Variants in MAN1A2 observed in about 807,000 individuals in gnomAD.
MAN1A2 encodes the protein mannosidase alpha class 1A member 2.
A neutral mutation model predicts 75.7 loss-of-function variants in MAN1A2; 26 were observed. The observed-to-expected ratio is 0.34, with a 90% CI of 0.25 to 0.48. The LOEUF (loss-of-function observed/expected upper bound fraction) is 0.48. Ranked by LOEUF, MAN1A2 falls within the 20% of genes least tolerant of loss-of-function variation. The pLI is 0.99. For missense variants in MAN1A2, 562 were observed against 775.5 expected (o/e 0.72, Z 3.27); for synonymous variants, 247 against 264.6 (o/e 0.93, Z 0.65).
intron 1 of MAN1A2, among the ~76,000 whole-genome samples, chr1:117,379,156 T>G (rs1274653855): frequency 6.6e-6 from 1 of 152,132 alleles, no homozygotes; most frequent in Non-Finnish European, 1.5e-5. Context: ...TTGTTGATTT[T>G]TGTGTATGAT....
chr1:117,450,713 C>T (rs181890918), intron 6 of MAN1A2, among the ~76,000 whole-genome samples: 74 of 152,318 alleles, frequency 4.9e-4, no homozygotes, highest in Admixed American at 4.8e-3. Flanking sequence ...AGGGGCCAAC[C>T]TAAAGCTCAG....
intron 12 of MAN1A2, chr1:117,515,784 A>G (rs1415966036): frequency 1.3e-5 from 2 of 152,156 alleles, no homozygotes; most frequent in African/African-American, 4.8e-5. Context: ...ATTTATGGAA[A>G]CAAAGTAGAA....
rs1228804402 is a variant in MAN1A2 at position 117,495,515 on chromosome 1, C to CCCT, written c.1285-1247_1285-1245dup. On this transcript the variant is annotated intron_variant, in intron 9 of 12. Transcript: ENST00000356554. ...ATTATTCCATACCCCTCCTACCTTC[C>CCCT]CCTATCCTTACAGATACCCATATTC... is the stretch of plus-strand genomic sequence containing the variant. 2.0e-5 allele frequency among the ~76,000 whole-genome samples: 3 copies of CCCT among 151,900 alleles called. No individual in the cohort carries two copies. The East Asian group carries it at 5.8e-4, about 30-fold the overall frequency.
chr1:117,372,904 T>A (rs1219878779), intron 1 of MAN1A2, among the ~76,000 whole-genome samples: 1 of 152,122 alleles, frequency 6.6e-6, no homozygotes, highest in Non-Finnish European at 1.5e-5. Context: ...CTGAATTGAA[T>A]ACTTGAGGGT....
At chr1:117,471,079 A>T (rs543175894) in intron 8 of MAN1A2, among the ~76,000 whole-genome samples, 3 of 151,568 alleles carry the variant, frequency 2.0e-5, no homozygotes, top group Non-Finnish European at 4.4e-5. Flanking sequence ...TACTTAGCCT[A>T]TGTCATTTAA....
chr1:117,503,973 C>T lies in MAN1A2; in HGVS notation c.1793+1003C>T, dbSNP rs191777010. Among the ~76,000 whole-genome samples the T allele has an allele frequency of 1.6e-4, 24 of 151,548 alleles. No individual in the cohort carries two copies. The East Asian group carries it at 4.3e-3, about 27-fold the overall frequency. On this transcript the variant is annotated intron_variant, in intron 12 of 12. Coordinates refer to ENST00000356554, the MANE Select transcript of MAN1A2 (RefSeq NM_006699.5). Reference sequence around the variant, plus strand: ...TCCTCCTTTTAATATATCACCAATTCTTTATGCTTCTTTCTGTTACATTTT... The same window carrying T: ...TCCTCCTTTTAATATATCACCAATTTTTTATGCTTCTTTCTGTTACATTTT...
chr1:117,466,619 G>A (rs1444146314), intron 8 of MAN1A2, among the ~76,000 whole-genome samples, 192 bp downstream of exon 8: 1 of 152,128 alleles, frequency 6.6e-6, no homozygotes, highest in Admixed American at 6.6e-5. Flanking sequence ...AAATGGAAAT[G>A]TTAATAACAT....
Position 117,414,801 on chromosome 1 carries a change from A to G in MAN1A2, c.744A>G (p.Arg248=). ...GLHDEFLDGQ[R]WIEDNLDFSV... is the part of the protein sequence containing the mutation. Reference sequence around the variant, plus strand: ...ATGATGAATTCCTAGATGGGCAAAGATGGATTGAAGACAACCTTGATTTCA... The same window carrying G: ...ATGATGAATTCCTAGATGGGCAAAGGTGGATTGAAGACAACCTTGATTTCA... The change falls in exon 4 of 13, where the codon AGA becomes AGG. Residue 248 remains arginine (R), a synonymous_variant. Transcript: ENST00000356554. The G allele has an allele frequency of 6.2e-7, 1 of 1,607,882 alleles. No individual in the cohort carries two copies. Among genetic ancestry groups the G allele is most frequent in the Non-Finnish European group, 8.5e-7 (1 of 1,174,986 alleles).
chr1:117,478,870 T>C (rs1021282419), intron 8 of MAN1A2, among the ~76,000 whole-genome samples: 5 of 151,968 alleles, frequency 3.3e-5, no homozygotes, highest in Non-Finnish European at 7.4e-5. Context: ...TCTTTCTCAA[T>C]AGTTGTTTTT....
Position 117,527,311 on chromosome 1 carries a change from A to G in MAN1A2, c.*4354A>G, listed in dbSNP as rs1371746975. Reference sequence around the variant, plus strand: ...ATGGGCGTAGCTATGTTCCAGGAAAACTTTATTTACAAAAGCAGATGGAGG... The same window carrying G: ...ATGGGCGTAGCTATGTTCCAGGAAAGCTTTATTTACAAAAGCAGATGGAGG... On this transcript the variant is annotated 3_prime_UTR_variant, in exon 13 of 13. Transcript: ENST00000356554. 6.6e-6 allele frequency: 1 copy of G among 151,864 alleles called. No individual in the cohort carries two copies. The highest frequency in any genetic ancestry group is 1.5e-5 in the Non-Finnish European group (1 of 67,864). 9.4% of individuals were successfully genotyped at this position (151,864 alleles called of 1,614,324 possible). A position where few individuals can be genotyped will look rare whatever the true frequency, so the allele number is the denominator to read the frequency against.
intron 1 of MAN1A2, among the ~76,000 whole-genome samples, chr1:117,389,877 C>G (rs972450891): frequency 6.6e-6 from 1 of 151,914 alleles, no homozygotes; most frequent in African/African-American, 2.4e-5. Context: ...AGGAAATACC[C>G]TTGCATTCCT....
chr1:117,463,413 T>A (rs1193089654), intron 7 of MAN1A2, among the ~76,000 whole-genome samples: 1 of 151,914 alleles, frequency 6.6e-6, no homozygotes, highest in Non-Finnish European at 1.5e-5. Flanking sequence ...CCAGCAGAGT[T>A]CTCACCTCTC....
intron 1 of MAN1A2, among the ~76,000 whole-genome samples, chr1:117,398,664 ACT>A (rs1647297012): frequency 2.8e-5 from 4 of 144,076 alleles, no homozygotes; most frequent in Admixed American, 1.4e-4. Flanking sequence ...ACAGAGGGAG[ACT>A]CTATTTCAAA....
At chr1:117,463,535 ACACG>A (rs1371784755) in intron 7 of MAN1A2, among the ~76,000 whole-genome samples, 4 of 152,106 alleles carry the variant, frequency 2.6e-5, no homozygotes, top group South Asian at 4.1e-4. Flanking sequence ...ACACACACAC[ACACG>A]AGGAACTCAA....
At chr1:117,396,231 T>A (rs1244714140) in intron 1 of MAN1A2, among the ~76,000 whole-genome samples, 1 of 152,210 alleles carries the variant, frequency 6.6e-6, no homozygotes, top group Non-Finnish European at 1.5e-5. Context: ...TTTAAAACTA[T>A]TAGTTGTGGC....
rs1346633168 is a variant in MAN1A2 at position 117,405,533 on chromosome 1, A to G, written c.559-16A>G. On this transcript the variant is annotated splice_polypyrimidine_tract_variant and intron_variant, in intron 2 of 12. Coordinates refer to ENST00000356554, the MANE Select transcript of MAN1A2 (RefSeq NM_006699.5). ...GAAAAATTTAAATTGATGGATTATA[A>G]TTTTTCTCTTTTCAGATGATGAAAC... 3 of 1,482,034 alleles carry G rather than the reference A, an allele frequency of 2.0e-6. No individual in the cohort carries two copies. The highest frequency in any genetic ancestry group is 2.8e-6 in the Non-Finnish European group (3 of 1,060,808). The allele number at this position is 1,482,034 out of a possible 1,614,324, so 91.8% of individuals were successfully genotyped here.
chr1:117,500,549 C>T (rs965379331), intron 11 of MAN1A2, among the ~76,000 whole-genome samples: 7 of 151,832 alleles, frequency 4.6e-5, no homozygotes, highest in African/African-American at 1.7e-4. Flanking sequence ...AGACCACAGC[C>T]ATAACCTAGG....
chr1:117,429,798 G>A (rs1306528336), intron 5 of MAN1A2, among the ~76,000 whole-genome samples: 9 of 100,602 alleles, frequency 8.9e-5, no homozygotes, highest in African/African-American at 3.1e-4. Flanking sequence ...GCGGCTGGCC[G>A]GGCGGGGGGC....
intron 3 of MAN1A2, 60 bp from the exon 4 acceptor site, chr1:117,414,646 TCCCCCCA>T: frequency 2.6e-6 from 2 of 758,046 alleles, no homozygotes; most frequent in Non-Finnish European, 4.6e-6. Context: ...ATCTTTTTTT[TCCCCCCA>T]AAGAGAACAG....
Sources: allele counts gnomAD v4.1 joint callset (sites outside exome capture counted in the v4.1 genomes callset), GRCh38; gene constraint gnomAD v4.1.1; transcripts MANE v1.5; gene names NCBI Gene and HGNC (gene_info 2026-07-23, HGNC 2026-07-21).